MRPS6: variants seen among roughly 807,000 people sequenced by gnomAD.
MRPS6 encodes mitochondrial ribosomal protein S6, also known as small ribosomal subunit protein bS6m.
In MRPS6, 6 loss-of-function variants were observed where a neutral mutation model predicts 13.1. The observed-to-expected ratio is 0.46, with a 90% CI of 0.25 to 0.91. The LOEUF (loss-of-function observed/expected upper bound fraction) is 0.91. Among genes scored for constraint, MRPS6 ranks in the 40% least tolerant of loss-of-function variants. The probability of loss-of-function intolerance (pLI) is 0.18; values close to 1 mark genes in which losing one functional copy is unlikely to be tolerated. For missense variants in MRPS6, 164 were observed against 155.6 expected (o/e 1.05, Z -0.29); for synonymous variants, 61 against 56.5 (o/e 1.08, Z -0.36).
chr21:34,080,556 TGG>T (rs1989435697), intron 1 of MRPS6, among the ~76,000 whole-genome samples: 2 of 152,218 alleles, frequency 1.3e-5, no homozygotes, highest in Admixed American at 1.3e-4. Context: ...TTAACTCATT[TGG>T]TACATTAAAC....
At chr21:34,094,734 TAA>T (rs1366341840) in intron 1 of MRPS6, 6 of 5,864 alleles carry the variant, frequency 1.0e-3, no homozygotes, top group African/African-American at 3.1e-3. Context: ...TGAAGTGTAT[TAA>T]AAAAATTTTT....
intron 1 of MRPS6, chr21:34,099,754 C>G: frequency 4.1e-6 from 4 of 970,958 alleles, no homozygotes; most frequent in Non-Finnish European, 5.0e-6. Context: ...GTTTAGAGTA[C>G]TAAAGTCTGT....
intron 1 of MRPS6, among the ~76,000 whole-genome samples, chr21:34,116,220 G>GTGTA (rs1210039797): frequency 6.8e-6 from 1 of 147,418 alleles, no homozygotes; most frequent in Non-Finnish European, 1.5e-5. Context: ...GTGTGTGTAT[G>GTGTA]TGTGTTTTGT....
intron 2 of MRPS6, among the ~76,000 whole-genome samples, chr21:34,126,322 A>G (rs1980303326): frequency 6.6e-6 from 1 of 152,318 alleles, no homozygotes; most frequent in Non-Finnish European, 1.5e-5. Flanking sequence ...GCTTGTAGTT[A>G]TGTGAGTCGA....
chr21:34,102,893 A>T, intron 1 of MRPS6: 3 of 999,810 alleles, frequency 3.0e-6, no homozygotes, highest in Non-Finnish European at 3.6e-6. Flanking sequence ...GAATTCGACA[A>T]CCGCACAAGT....
intron 1 of MRPS6, chr21:34,099,016 ATAAAC>A (rs1979106041): frequency 1.0e-6 from 1 of 990,756 alleles, no homozygotes; most frequent in South Asian, 4.7e-5. Context: ...TTTGTAGTCT[ATAAAC>A]TAGTTTCATT....
chr21:34,106,918 C>T (rs1316013517), intron 1 of MRPS6, among the ~76,000 whole-genome samples: 3 of 151,806 alleles, frequency 2.0e-5, no homozygotes, highest in Non-Finnish European at 2.9e-5. Flanking sequence ...TTGTCTTTCA[C>T]GGTATTGACT....
chr21:34,142,414 C>A lies in MRPS6; in HGVS notation c.192C>A (p.Phe64Leu). Residue 64 changes from phenylalanine to leucine, a missense_variant, in exon 3 of 3, where the codon TTC becomes TTA. Coordinates refer to ENST00000399312, the MANE Select transcript of MRPS6 (RefSeq NM_032476.4). ...AGTTTTTATTTTATTGCAGGTATTT[C>A]TTGGTGGATTTTTATGCACCCACCG... ...HSQQHNRGGY[F>L]LVDFYAPTAA... The A allele has an allele frequency of 2.6e-6, 4 of 1,567,270 alleles. No homozygotes were observed. Among genetic ancestry groups the A allele is most frequent in the East Asian group, 2.3e-5 (1 of 44,194 alleles).
At chr21:34,121,025 C>T (rs905428499) in intron 1 of MRPS6, among the ~76,000 whole-genome samples, 5 of 140,626 alleles carry the variant, frequency 3.6e-5, no homozygotes, top group Non-Finnish European at 5.9e-5. Flanking sequence ...AGCACCTGTT[C>T]GATGAGTGTG....
chr21:34,131,992 T>C (rs2123265377), intron 2 of MRPS6, among the ~76,000 whole-genome samples: 1 of 152,340 alleles, frequency 6.6e-6, no homozygotes, highest in South Asian at 2.1e-4. Context: ...CCCAGATGAA[T>C]AGGTAAGAAG....
intron 1 of MRPS6, among the ~76,000 whole-genome samples, chr21:34,108,433 C>T (rs1291382575): frequency 3.3e-5 from 5 of 152,096 alleles, no homozygotes; most frequent in African/African-American, 1.2e-4. Context: ...TAGTAGGGTA[C>T]GCCTTCTAGG....
chr21:34,102,656 T>A, intron 1 of MRPS6: 1 of 1,000,168 alleles, frequency 1.0e-6, no homozygotes. Flanking sequence ...GTTCACAGCT[T>A]GCTTGAAGAG....
intron 1 of MRPS6, among the ~76,000 whole-genome samples, chr21:34,083,061 C>A (rs1227228861): frequency 4.6e-5 from 7 of 152,152 alleles, no homozygotes; most frequent in African/African-American, 1.7e-4. Flanking sequence ...ATCGAGAATT[C>A]CTGGTTTTGT....
chr21:34,141,804 C>G (rs959832025), intron 2 of MRPS6, among the ~76,000 whole-genome samples: 2 of 152,136 alleles, frequency 1.3e-5, no homozygotes, highest in Non-Finnish European at 2.9e-5. Context: ...GCGGGATGCC[C>G]GTCGACATTA....
At chr21:34,085,849 GCCTCGGC>G (rs1978344365) in intron 1 of MRPS6, among the ~76,000 whole-genome samples, 1 of 152,074 alleles carries the variant, frequency 6.6e-6, no homozygotes, top group African/African-American at 2.4e-5. Context: ...TGATTCACCC[GCCTCGGC>G]CTCCCAAAGT....
At chr21:34,120,584 T>C (rs1980082213) in intron 1 of MRPS6, among the ~76,000 whole-genome samples, 1 of 152,202 alleles carries the variant, frequency 6.6e-6, no homozygotes, top group Non-Finnish European at 1.5e-5. Context: ...TAATTTCTTC[T>C]AGGATTAATT....
At chr21:34,088,898 T>C (rs1392315437) in intron 1 of MRPS6, among the ~76,000 whole-genome samples, 2 of 152,180 alleles carry the variant, frequency 1.3e-5, no homozygotes, top group East Asian at 3.9e-4. Context: ...ATTTCCATTA[T>C]TTATAACTCA....
intron 1 of MRPS6, among the ~76,000 whole-genome samples, chr21:34,118,991 T>C (rs536481289): frequency 6.6e-6 from 1 of 152,334 alleles, no homozygotes; most frequent in Non-Finnish European, 1.5e-5. Context: ...AGTAATCACA[T>C]TTGAACATGT....
At position 34,116,178 on chromosome 21, in the gene MRPS6, TTGTGTG is replaced by T. The variant is rs57694757; in HGVS notation, c.46-9129_46-9124del. Among the ~76,000 whole-genome samples the T allele has an allele frequency of 8.3e-3, 1,177 of 141,360 alleles. 7 individuals carry two copies. Among genetic ancestry groups the T allele is most frequent in the African/African-American group, 0.021 (800 of 37,526 alleles). The allele number at this position is 141,360 out of a possible 152,430, so 92.7% of individuals were successfully genotyped here. A position where few individuals can be genotyped will look rare whatever the true frequency, so the allele number is the denominator to read the frequency against. On this transcript the variant is annotated intron_variant, in intron 1 of 2. Transcript: ENST00000399312. The stretch of plus-strand genomic sequence containing the variant: ...TGTGTCCCACCATGCCCAGCTAATT[TTGTGTG>T]TGTGTGTGTGTGTGTGTGTGTGTGT...
Sources: gnomAD v4.1 joint callset for allele counts (sites outside exome capture counted in the v4.1 genomes callset) on GRCh38, gnomAD v4.1.1 for gene constraint, MANE v1.5 for transcripts, NCBI Gene and HGNC (gene_info 2026-07-23, HGNC 2026-07-21) for gene names.